Variants in BEGAIN observed in about 807,000 individuals in gnomAD.
The protein encoded by BEGAIN is brain enriched guanylate kinase associated.
A neutral mutation model predicts 35.8 loss-of-function variants in BEGAIN; 19 were observed. That is an observed-to-expected ratio of 0.53 (90% CI 0.37 to 0.78). BEGAIN has a LOEUF of 0.78. Among genes scored for constraint, BEGAIN ranks in the 30% least tolerant of loss-of-function variants. The probability of loss-of-function intolerance (pLI) is 0.00; values close to 1 mark genes in which losing one functional copy is unlikely to be tolerated. For missense variants in BEGAIN, 795 were observed against 853.6 expected (o/e 0.93, Z 0.85); for synonymous variants, 462 against 388.6 (o/e 1.19, Z -2.22).
chr14:100,567,329 G>A lies in BEGAIN; in HGVS notation c.71+582C>T, dbSNP rs1054623364. ...AGTTTGGCACCGGGAGGGAGGCCGC[G>A]GGGGACACTCCCCAGAAGCTGTCGC... On this transcript the variant is annotated intron_variant, in intron 2 of 6. Coordinates refer to ENST00000554140, the MANE Select transcript of BEGAIN (RefSeq NM_001385089.1). The surrounding 1 kb of genome is among the most constrained non-coding windows in gnomAD (Gnocchi z 5.1). Among the ~76,000 whole-genome samples, 4 of 152,208 alleles carry A rather than the reference G, an allele frequency of 2.6e-5. No individual in the cohort carries two copies. The highest frequency in any genetic ancestry group is 7.2e-5 in the African/African-American group (3 of 41,452).
At chr14:100,562,426 A>G (rs1595136867) in intron 2 of BEGAIN, among the ~76,000 whole-genome samples, 1 of 152,022 alleles carries the variant, frequency 6.6e-6, no homozygotes, top group East Asian at 1.9e-4. Flanking sequence ...AAAAGGGGAC[A>G]CCTCAAGCCT....
At chr14:100,547,170 C>T (rs1238775316) in intron 2 of BEGAIN, 1 of 152,518 alleles carries the variant, frequency 6.6e-6, no homozygotes, top group African/African-American at 2.4e-5. Context: ...CCTGCTTTCC[C>T]CAAAATGGCT....
At chr14:100,584,885 C>T (rs140430443) in intron 1 of BEGAIN, among the ~76,000 whole-genome samples, 7 of 152,170 alleles carry the variant, frequency 4.6e-5, no homozygotes, top group Admixed American at 2.6e-4. Context: ...TAGACCAACA[C>T]GGCGAGTCCT....
intron 1 of BEGAIN, among the ~76,000 whole-genome samples, chr14:100,585,460 T>TC (rs2035425080): frequency 4.0e-5 from 5 of 124,488 alleles, no homozygotes; most frequent in Admixed American, 3.2e-4. Flanking sequence ...ATCCATCCAT[T>TC]CATCCATCCA....
chr14:100,546,425 C>G (rs866378412), intron 3 of BEGAIN, 76 bp downstream of exon 3: 2,806 of 51,864 alleles, frequency 0.054, 470 homozygotes, highest in African/African-American at 0.3. Context: ...CCTCGCCCCG[C>G]CCCGGCCCTC....
intron 1 of BEGAIN, chr14:100,577,595 G>C: frequency 5.0e-6 from 2 of 399,080 alleles, no homozygotes; most frequent in Non-Finnish European, 8.8e-6. Flanking sequence ...TCCAGAACCC[G>C]CACAGTGACC....
rs560900347 is a variant in BEGAIN at position 100,557,639 on chromosome 14, CTCCA to C, written c.71+10268_71+10271del. On this transcript the variant is annotated intron_variant, in intron 2 of 6. Transcript: ENST00000554140. ...CCTCATTGTACTAAGGGTACAATCT[CTCCA>C]TCCACTGGGCTCCTGCACCCACATG... Among the ~76,000 whole-genome samples, 99 of 152,254 alleles carry C rather than the reference CTCCA, an allele frequency of 6.5e-4. No homozygotes were observed. The South Asian group carries it at 0.02, about 31-fold the overall frequency.
At chr14:100,569,582 C>G (rs570803381) in intron 1 of BEGAIN, 122 of 154,028 alleles carry the variant, frequency 7.9e-4, no homozygotes, top group African/African-American at 2.8e-3. Context: ...GGCAGGAGCC[C>G]TGTGTTCTCA....
At chr14:100,540,432 C>T (rs2031418673) in intron 6 of BEGAIN, 64 bp downstream of exon 6, 1 of 1,257,428 alleles carries the variant, frequency 8.0e-7, no homozygotes, top group Non-Finnish European at 1.1e-6. Context: ...TTTGGGGTAG[C>T]ACTGGCACAA....
intron 1 of BEGAIN, among the ~76,000 whole-genome samples, chr14:100,579,013 A>G (rs544377315): frequency 6.6e-6 from 1 of 152,190 alleles, no homozygotes; most frequent in Admixed American, 6.5e-5. Context: ...GGCGCCTGCT[A>G]CCATGCCTGG....
intron 1 of BEGAIN, among the ~76,000 whole-genome samples, chr14:100,574,407 C>T (rs1013416527): frequency 2.0e-5 from 3 of 152,178 alleles, no homozygotes; most frequent in Non-Finnish European, 2.9e-5. Context: ...ACAGGGCCTC[C>T]CTTTTCCCAG....
chr14:100,584,100 G>A (rs1045049136), intron 1 of BEGAIN, among the ~76,000 whole-genome samples: 3 of 152,096 alleles, frequency 2.0e-5, no homozygotes, highest in South Asian at 2.1e-4. Flanking sequence ...GCATGCCTGC[G>A]TTGCTTCTCC....
chr14:100,538,564 T>C lies in BEGAIN; in HGVS notation c.1244A>G (p.Asn415Ser). ...CGGCTTGGCCCGCAGGCTCCACAGG[T>C]TTGGGGGCATCAGGGCCTGCTGGGG... is the stretch of plus-strand genomic sequence containing the variant. ...PGPQQALMPP[N>S]LWSLRAKPGT... The change falls in exon 7 of 7, where the codon AAC becomes AGC. Residue 415 changes from asparagine (N) to serine (S), a missense_variant. By Grantham distance (46) the Asn-to-Ser change is conservative. Transcript: ENST00000554140. 2 of 1,541,298 alleles carry C rather than the reference T, an allele frequency of 1.3e-6. No individual in the cohort carries two copies. Among genetic ancestry groups the C allele is most frequent in the Non-Finnish European group, 1.7e-6 (2 of 1,143,716 alleles).
chr14:100,552,209 C>T (rs548468999), intron 2 of BEGAIN, among the ~76,000 whole-genome samples: 26 of 152,204 alleles, frequency 1.7e-4, no homozygotes, highest in African/African-American at 6.3e-4. Flanking sequence ...CCAGGGGAAA[C>T]TGAGGCCCAG....
chr14:100,549,186 C>T (rs560143994), intron 2 of BEGAIN: 119 of 152,504 alleles, frequency 7.8e-4, no homozygotes, highest in South Asian at 2.3e-3. Flanking sequence ...CGGGCTGTTC[C>T]CTGGGGCCCC....
chr14:100,574,539 TA>T (rs2035161895), intron 1 of BEGAIN, among the ~76,000 whole-genome samples: 3 of 133,442 alleles, frequency 2.2e-5, no homozygotes, highest in Admixed American at 7.9e-5. Context: ...TTTTTTTTTT[TA>T]AACATTTGAG....
Position 100,538,376 on chromosome 14 carries a change from T to C in BEGAIN, c.1432A>G (p.Lys478Glu). 2 of 1,516,250 alleles carry C rather than the reference T, an allele frequency of 1.3e-6. No homozygotes were observed. Among genetic ancestry groups the C allele is most frequent in the Non-Finnish European group, 1.8e-6 (2 of 1,139,370 alleles). The allele number at this position is 1,516,250 out of a possible 1,614,324, so 93.9% of individuals were successfully genotyped here. Residue 478 changes from lysine (K) to glutamate (E), a missense_variant, in exon 7 of 7, where the codon AAG becomes GAG. Physicochemically the swap from Lys to Glu is moderately conservative, Grantham distance 56. Transcript: ENST00000554140. ...AGCGGGCTGGCGCGGCCGTCGGCCTTCTTGCCCGGGCTGCCCCCGGCCCCG... is the reference window on the plus strand; with the variant it reads ...AGCGGGCTGGCGCGGCCGTCGGCCTCCTTGCCCGGGCTGCCCCCGGCCCCG... ...YGGAGGSPGK[K>E]ADGRASPLYA...
chr14:100,572,367 G>T (rs895124538), intron 1 of BEGAIN, among the ~76,000 whole-genome samples: 1 of 152,190 alleles, frequency 6.6e-6, no homozygotes, highest in Non-Finnish European at 1.5e-5. Flanking sequence ...GCCCACCTCT[G>T]CAGGGGGCCT....
rs1052617852 is a variant in BEGAIN, at chr14:100,538,410, G to T, written c.1398C>A (p.Arg466=). 1.3e-6 allele frequency: 2 copies of T among 1,573,736 alleles called. No homozygotes were observed. Among genetic ancestry groups the T allele is most frequent in the Non-Finnish European group, 8.6e-7 (1 of 1,164,030 alleles). Reference sequence around the variant, plus strand: ...GGCTGCCCCCGGCCCCGCCGTAGTAGCGTTCAGAGAAGCTGCAGGGTGAGG... The same window carrying T: ...GGCTGCCCCCGGCCCCGCCGTAGTATCGTTCAGAGAAGCTGCAGGGTGAGG... ...GRASPCSFSE[R]YYGGAGGSPG... The change falls in exon 7 of 7, where the codon CGC becomes CGA. Residue 466 remains arginine (R), a synonymous_variant. Coordinates refer to ENST00000554140, the MANE Select transcript of BEGAIN (RefSeq NM_001385089.1).
Sources: gnomAD v4.1 joint callset for allele counts (sites outside exome capture counted in the v4.1 genomes callset) on GRCh38, gnomAD v4.1.1 for gene constraint, Gnocchi (gnomAD v3.1) non-coding constraint, MANE v1.5 for transcripts, NCBI Gene and HGNC (gene_info 2026-07-23, HGNC 2026-07-21) for gene names.